The following CSMD1 variants were observed in gnomAD, a reference collection of about 807,000 sequenced individuals.
CSMD1 encodes CUB and sushi domain-containing protein 1.
In CSMD1, 213 loss-of-function variants were observed where a neutral mutation model predicts 417.5. That is an observed-to-expected ratio of 0.51 (90% CI 0.46 to 0.57). The LOEUF is 0.57. Ranked by LOEUF, CSMD1 falls within the 20% of genes least tolerant of loss-of-function variation. The pLI, the probability that CSMD1 is intolerant of heterozygous loss-of-function variation, is 0.00. For missense variants in CSMD1, 6,923 were observed against 4,529.7 expected, an observed-to-expected ratio of 1.53 and a Z score of -15.17; for synonymous variants, 2,862 against 1,736.8, an observed-to-expected ratio of 1.65 and a Z score of -16.11.
intron 3 of CSMD1, among the ~76,000 whole-genome samples, chr8:4,082,762 CCCT>C: frequency 9.2e-6 from 1 of 109,066 alleles, no homozygotes; most frequent in Middle Eastern, 7.6e-3. Context: ...TATCCCTCCC[CCCT>C]CCCCCCACCC....
At chr8:4,057,227 A>C (rs7841217) in intron 3 of CSMD1, among the ~76,000 whole-genome samples, 136,152 of 150,054 alleles carry the variant, frequency 0.91, 61,504 homozygotes, top group East Asian at 0.99. Context: ...TTGCCATTCT[A>C]ACTGGTGTGA....
intron 55 of CSMD1, among the ~76,000 whole-genome samples, chr8:2,975,855 C>G (rs186227192): frequency 6.6e-6 from 1 of 152,062 alleles, no homozygotes; most frequent in Non-Finnish European, 1.5e-5. Context: ...ACTGGCCACC[C>G]CGGAAAAGGA....
intron 5 of CSMD1, among the ~76,000 whole-genome samples, chr8:3,845,931 A>G (rs997394394): frequency 6.6e-6 from 1 of 151,904 alleles, no homozygotes; most frequent in Admixed American, 6.6e-5. Context: ...ACTATCTTCC[A>G]CCTTCACATC....
intron 5 of CSMD1, among the ~76,000 whole-genome samples, chr8:3,816,720 T>C (rs1171581421): frequency 6.6e-6 from 1 of 152,200 alleles, no homozygotes; most frequent in Non-Finnish European, 1.5e-5. Flanking sequence ...CATGGGAATG[T>C]ATTTAATTAT....
At chr8:4,967,013 A>G (rs918400648) in intron 1 of CSMD1, among the ~76,000 whole-genome samples, 72 of 152,172 alleles carry the variant, frequency 4.7e-4, no homozygotes, top group African/African-American at 1.7e-3. Flanking sequence ...ATGTTATTGC[A>G]TGGCAGGAAA....
intron 48 of CSMD1, among the ~76,000 whole-genome samples, chr8:3,089,247 G>C (rs1160619548): frequency 6.6e-6 from 1 of 152,234 alleles, no homozygotes; most frequent in East Asian, 1.9e-4. Flanking sequence ...GGGTACCCAG[G>C]TGAGAGAAGA....
At chr8:4,954,329 TAAAAAGGTGA>T (rs1808945042) in intron 1 of CSMD1, among the ~76,000 whole-genome samples, 2 of 152,194 alleles carry the variant, frequency 1.3e-5, no homozygotes, top group African/African-American at 4.8e-5. Flanking sequence ...GCTTGTTATT[TAAAAAGGTGA>T]TATTTCCATT....
chr8:4,275,371 G>T (rs542485834), intron 3 of CSMD1, among the ~76,000 whole-genome samples: 2 of 152,060 alleles, frequency 1.3e-5, no homozygotes, highest in African/African-American at 4.8e-5. Flanking sequence ...CAAGATTAAA[G>T]GAATCATCTT....
intron 5 of CSMD1, among the ~76,000 whole-genome samples, chr8:3,914,125 A>G (rs928822896): frequency 6.6e-6 from 1 of 152,194 alleles, no homozygotes; most frequent in African/African-American, 2.4e-5. Flanking sequence ...TTAGAATTTT[A>G]TATGAATAGA....
In CSMD1 at chr8:3,613,262, C is replaced by G. The variant is rs73491466; in HGVS notation, c.1097+3448G>C. 1,143 of 421,922 alleles carry G rather than the reference C, an allele frequency of 2.7e-3. 13 individuals carry two copies. Among genetic ancestry groups the G allele is most frequent in the African/African-American group, 0.023 (1,087 of 48,234 alleles). The allele number at this position is 421,922 out of a possible 1,614,324, so 26.1% of individuals were successfully genotyped here. On this transcript the variant is annotated intron_variant, in intron 8 of 69. Coordinates refer to ENST00000635120, the MANE Select transcript of CSMD1 (RefSeq NM_033225.6). ...CCTGTAAGTAGAAAAGAAATTCAAT[C>G]CGTAATTAAAAACCTACTTGTAAGA...
chr8:4,454,473 G>C (rs534442572), intron 2 of CSMD1, among the ~76,000 whole-genome samples: 41 of 152,256 alleles, frequency 2.7e-4, no homozygotes, highest in African/African-American at 9.4e-4. Flanking sequence ...AACTCTTCAA[G>C]TATTTTGTTC....
At chr8:3,996,930 A>G (rs1330384559) in intron 5 of CSMD1, among the ~76,000 whole-genome samples, 1 of 152,176 alleles carries the variant, frequency 6.6e-6, no homozygotes, top group African/African-American at 2.4e-5. Flanking sequence ...CATGTTTGAC[A>G]TGTTTGTCTG....
Position 3,046,098 on chromosome 8 carries a change from T to A in CSMD1, c.7660+6364A>T, listed in dbSNP as rs573238534. On this transcript the variant is annotated intron_variant, in intron 50 of 69. Coordinates refer to ENST00000635120, the MANE Select transcript of CSMD1 (RefSeq NM_033225.6). ...AATAAAGAGAAGTTTGTGAATTTTCTTCTACCGCCATGGAACTCTCAGGAG... is the reference window on the plus strand; with the variant it reads ...AATAAAGAGAAGTTTGTGAATTTTCATCTACCGCCATGGAACTCTCAGGAG... 3.9e-5 allele frequency among the ~76,000 whole-genome samples: 6 copies of A among 152,308 alleles called. No homozygotes were observed. In the South Asian group the frequency reaches 1.2e-3, roughly 32 times the overall value.
At chr8:4,159,133 C>A (rs1584930675) in intron 3 of CSMD1, among the ~76,000 whole-genome samples, 1 of 152,096 alleles carries the variant, frequency 6.6e-6, no homozygotes, top group Non-Finnish European at 1.5e-5. Flanking sequence ...GCAGGCTGGT[C>A]TTGAACTCCC....
chr8:3,172,959 G>A (rs1383697076), intron 37 of CSMD1, among the ~76,000 whole-genome samples: 1 of 152,182 alleles, frequency 6.6e-6, no homozygotes, highest in East Asian at 1.9e-4. Flanking sequence ...ACCTACCACT[G>A]AAATAACTGA....
chr8:4,913,453 T>C (rs955228609), intron 1 of CSMD1, among the ~76,000 whole-genome samples: 2 of 152,164 alleles, frequency 1.3e-5, no homozygotes, highest in African/African-American at 4.8e-5. Flanking sequence ...CTGAATGCTA[T>C]TAATGGCCAT....
At chr8:3,135,356 T>C (rs1346845916) in intron 41 of CSMD1, among the ~76,000 whole-genome samples, 1 of 152,230 alleles carries the variant, frequency 6.6e-6, no homozygotes, top group Admixed American at 6.5e-5. Context: ...CCATGGCATA[T>C]GTATTATGTT....
intron 50 of CSMD1, among the ~76,000 whole-genome samples, chr8:3,040,879 G>C (rs977635348): frequency 2.0e-5 from 3 of 152,130 alleles, no homozygotes; most frequent in Non-Finnish European, 2.9e-5. Context: ...GAATATTTCT[G>C]AGTAATATTT....
chr8:3,304,147 A>G (rs376108747), intron 25 of CSMD1, among the ~76,000 whole-genome samples: 1 of 152,174 alleles, frequency 6.6e-6, no homozygotes, highest in South Asian at 2.1e-4. Flanking sequence ...AAATATTTAC[A>G]TTAAGATATC....
Sources: allele counts gnomAD v4.1 joint callset (sites outside exome capture counted in the v4.1 genomes callset), GRCh38; gene constraint gnomAD v4.1.1; transcripts MANE v1.5; gene names NCBI Gene and HGNC (gene_info 2026-07-23, HGNC 2026-07-21).